Variants in PCDH9 observed in about 807,000 individuals in gnomAD.
PCDH9 encodes protocadherin 9.
Under a neutral mutation model 70.6 loss-of-function variants are expected in PCDH9, and 24 were observed. That is an observed-to-expected ratio of 0.34 (90% CI 0.25 to 0.48). The LOEUF is 0.48. PCDH9 is among the 20% of genes least tolerant of loss of function. PCDH9 has a pLI of 0.99. For missense variants in PCDH9, 1,281 were observed against 1,503.6 expected (o/e 0.85, Z 2.45); for synonymous variants, 562 against 558.5 (o/e 1.01, Z -0.09).
chr13:66,683,071 CA>C (rs766875509), intron 3 of PCDH9, among the ~76,000 whole-genome samples: 8 of 152,136 alleles, frequency 5.3e-5, no homozygotes, highest in Non-Finnish European at 1.0e-4. Context: ...AGTCTATTTG[CA>C]GCGGCAGTTG....
intron 3 of PCDH9, among the ~76,000 whole-genome samples, chr13:66,800,895 C>G: frequency 6.6e-6 from 1 of 151,908 alleles, no homozygotes; most frequent in East Asian, 1.9e-4. Context: ...TGATACATGT[C>G]AAGCAGCTAG....
chr13:66,905,421 A>T (rs900215944), intron 2 of PCDH9, among the ~76,000 whole-genome samples: 7 of 152,140 alleles, frequency 4.6e-5, no homozygotes, highest in Non-Finnish European at 8.8e-5. Context: ...GGAGATTTTT[A>T]AAAATGTCAA....
chr13:66,751,432 A>G (rs2079456849), intron 3 of PCDH9, among the ~76,000 whole-genome samples: 1 of 152,190 alleles, frequency 6.6e-6, no homozygotes, highest in Admixed American at 6.5e-5. Flanking sequence ...CAACAAAAAC[A>G]AAATCAATTT....
At chr13:67,079,170 A>C (rs1330872730) in intron 2 of PCDH9, among the ~76,000 whole-genome samples, 1 of 152,040 alleles carries the variant, frequency 6.6e-6, no homozygotes, top group East Asian at 1.9e-4. Context: ...AATATACTAA[A>C]TACACTAAAG....
intron 2 of PCDH9, among the ~76,000 whole-genome samples, chr13:67,067,522 G>A (rs1594465355): frequency 6.6e-6 from 1 of 152,016 alleles, no homozygotes; most frequent in Admixed American, 6.6e-5. Context: ...CTATCGGATA[G>A]CACATACTTC....
At chr13:66,727,471 A>G (rs1703862401) in intron 3 of PCDH9, among the ~76,000 whole-genome samples, 4 of 152,044 alleles carry the variant, frequency 2.6e-5, no homozygotes, top group Admixed American at 2.6e-4. Flanking sequence ...TAAAGAAGAG[A>G]TTTACAGAAA....
chr13:66,943,187 A>T (rs1402962837), intron 2 of PCDH9, among the ~76,000 whole-genome samples: 1 of 152,058 alleles, frequency 6.6e-6, no homozygotes, highest in Non-Finnish European at 1.5e-5. Context: ...ATTACGTCTT[A>T]TATTACATTA....
chr13:66,932,979 T>G (rs1466844328), intron 2 of PCDH9, among the ~76,000 whole-genome samples: 2 of 151,668 alleles, frequency 1.3e-5, no homozygotes, highest in East Asian at 1.9e-4. Context: ...TAATTAAATT[T>G]ACTGAGTTTC....
At chr13:66,562,139 G>C (rs1462233794) in intron 4 of PCDH9, among the ~76,000 whole-genome samples, 1 of 151,982 alleles carries the variant, frequency 6.6e-6, no homozygotes, top group Non-Finnish European at 1.5e-5. Flanking sequence ...TGAAGTCAGT[G>C]AGAGCAAGAA....
intron 3 of PCDH9, among the ~76,000 whole-genome samples, chr13:66,830,850 T>C (rs939325900): frequency 1.2e-4 from 19 of 152,338 alleles, no homozygotes; most frequent in African/African-American, 4.6e-4. Context: ...TATTAGTATA[T>C]ATGTAAATTA....
At chr13:66,704,053 C>T (rs2139114299) in intron 3 of PCDH9, among the ~76,000 whole-genome samples, 1 of 152,252 alleles carries the variant, frequency 6.6e-6, no homozygotes, top group South Asian at 2.1e-4. Flanking sequence ...TTTACCAATA[C>T]TAAAAGTGCT....
chr13:67,110,350 A>G (rs2086633258), intron 2 of PCDH9, among the ~76,000 whole-genome samples: 1 of 151,032 alleles, frequency 6.6e-6, no homozygotes, highest in East Asian at 1.9e-4. Context: ...CCCCGTCTCC[A>G]CTAAAATACA....
chr13:66,496,844 A>G (rs1959125188), intron 4 of PCDH9, among the ~76,000 whole-genome samples: 1 of 152,194 alleles, frequency 6.6e-6, no homozygotes, highest in Admixed American at 6.5e-5. Flanking sequence ...GGTTTTTTAA[A>G]ACTAAAATTC....
intron 4 of PCDH9, among the ~76,000 whole-genome samples, chr13:66,491,014 C>T (rs1408976936): frequency 6.6e-6 from 1 of 152,152 alleles, no homozygotes; most frequent in Non-Finnish European, 1.5e-5. Flanking sequence ...ATGAGATATA[C>T]TCTCACTTTG....
At chr13:66,967,118 C>T (rs879272249) in intron 2 of PCDH9, among the ~76,000 whole-genome samples, 2 of 151,956 alleles carry the variant, frequency 1.3e-5, no homozygotes, top group Non-Finnish European at 2.9e-5. Context: ...ACCAAGTATA[C>T]TATACTCTGT....
intron 3 of PCDH9, among the ~76,000 whole-genome samples, chr13:66,773,953 T>C (rs899288043): frequency 4.0e-5 from 6 of 151,882 alleles, no homozygotes; most frequent in African/African-American, 1.4e-4. Flanking sequence ...AATTTTTGTA[T>C]TTTTAGCAGA....
In PCDH9 at chr13:66,743,926, T is replaced by C. The variant is rs541755592; in HGVS notation, c.3139-112515A>G. ...TGCCTGCTCTTAAAATGGCTTAAAG[T>C]CTACTGGGAAAAATAGACATGTCTA... On this transcript the variant is annotated intron_variant, in intron 3 of 4. Transcript: ENST00000377865. 9.2e-5 allele frequency among the ~76,000 whole-genome samples: 14 copies of C among 152,016 alleles called. No homozygotes were observed. The South Asian group carries it at 2.5e-3, about 27-fold the overall frequency.
chr13:66,561,598 G>T (rs1037859138), intron 4 of PCDH9, among the ~76,000 whole-genome samples: 1 of 152,172 alleles, frequency 6.6e-6, no homozygotes, highest in Admixed American at 6.5e-5. Context: ...TCAGCACCCT[G>T]TGTCTAGGTC....
chr13:66,515,963 T>C (rs1055082994), intron 4 of PCDH9, among the ~76,000 whole-genome samples: 2 of 152,032 alleles, frequency 1.3e-5, no homozygotes, highest in Admixed American at 6.6e-5. Context: ...TTTACAAGTT[T>C]ACAAGGGAAC....
Sources: gnomAD v4.1 joint callset for allele counts (sites outside exome capture counted in the v4.1 genomes callset) on GRCh38, gnomAD v4.1.1 for gene constraint, MANE v1.5 for transcripts, NCBI Gene and HGNC (gene_info 2026-07-23, HGNC 2026-07-21) for gene names.